COP1: variants seen among roughly 807,000 people sequenced by gnomAD.
COP1 encodes the protein E3 ubiquitin-protein ligase COP1.
In COP1, 24 loss-of-function variants were observed where a neutral mutation model predicts 101.3. The ratio of observed to expected loss-of-function variants is 0.24; its 90% CI spans 0.17 to 0.33. COP1 has a LOEUF of 0.33. COP1 is among the 10% of genes least tolerant of loss of function. COP1 has a pLI of 1.00. For missense variants in COP1, 663 were observed against 906.2 expected (o/e 0.73, Z 3.45); for synonymous variants, 347 against 341.9 (o/e 1.01, Z -0.17).
At position 176,207,025 on chromosome 1, in the gene COP1, G is replaced by T; in HGVS notation, c.-47C>A. 2 of 1,335,988 alleles carry T rather than the reference G, an allele frequency of 1.5e-6. No homozygotes were observed. The highest frequency in any genetic ancestry group is 3.6e-5 in the South Asian group (2 of 56,234). The allele number at this position is 1,335,988 out of a possible 1,614,324, so 82.8% of individuals were successfully genotyped here. ...CGGGCGCTCGGAGGAGAGGGACCGC[G>T]ACCTCGACCCTCCGCCGCCTCCCCT... On this transcript the variant is annotated 5_prime_UTR_variant, in exon 1 of 20. Coordinates refer to ENST00000367669, the MANE Select transcript of COP1 (RefSeq NM_022457.7).
At chr1:176,006,223 A>C (rs1391692269) in intron 15 of COP1, among the ~76,000 whole-genome samples, 1 of 151,596 alleles carries the variant, frequency 6.6e-6, no homozygotes, top group Non-Finnish European at 1.5e-5. Flanking sequence ...CCATCCTTTT[A>C]TTTTGAGCCT....
intron 8 of COP1, among the ~76,000 whole-genome samples, chr1:176,133,197 T>TACGTATATAC (rs1376676933): frequency 1.5e-5 from 2 of 130,432 alleles, no homozygotes; most frequent in Non-Finnish European, 3.6e-5. Context: ...CGTACGTATA[T>TACGTATATAC]GTACGTATGT....
At chr1:176,101,951 G>C (rs1489464266) in intron 9 of COP1, among the ~76,000 whole-genome samples, 1 of 152,166 alleles carries the variant, frequency 6.6e-6, no homozygotes, top group African/African-American at 2.4e-5. Context: ...CTTTAGAGGA[G>C]AAAATGATAG....
At chr1:175,995,797 C>G (rs1486504801) in intron 15 of COP1, among the ~76,000 whole-genome samples, 1 of 152,220 alleles carries the variant, frequency 6.6e-6, no homozygotes, top group Non-Finnish European at 1.5e-5. Context: ...GATGGATTCA[C>G]AGCCGAATTC....
chr1:176,107,797 T>C (rs1684573776), intron 9 of COP1, among the ~76,000 whole-genome samples: 1 of 152,124 alleles, frequency 6.6e-6, no homozygotes, highest in Non-Finnish European at 1.5e-5. Context: ...CCTCCAGATA[T>C]GACAAACTAA....
intron 16 of COP1, 62 bp from the exon 17 acceptor site, chr1:175,988,474 A>G: frequency 6.9e-7 from 1 of 1,456,882 alleles, no homozygotes; most frequent in Non-Finnish European, 9.3e-7. Context: ...ACTCATCACT[A>G]CTAATTAGAG....
chr1:176,099,399 A>G (rs1682975106), intron 9 of COP1, among the ~76,000 whole-genome samples: 1 of 152,054 alleles, frequency 6.6e-6, no homozygotes, highest in Non-Finnish European at 1.5e-5. Flanking sequence ...AATATTGCTG[A>G]TCCTTGTTTT....
At chr1:175,975,494 C>T (rs1056701324) in intron 18 of COP1, among the ~76,000 whole-genome samples, 1 of 152,138 alleles carries the variant, frequency 6.6e-6, no homozygotes, top group Non-Finnish European at 1.5e-5. Context: ...ACTGCAATCT[C>T]TGCCTCCTGG....
intron 5 of COP1, among the ~76,000 whole-genome samples, chr1:176,162,251 T>C (rs571151898): frequency 9.2e-5 from 14 of 152,332 alleles, no homozygotes; most frequent in African/African-American, 3.4e-4. Context: ...AAATACTCCC[T>C]TTATGTTTAA....
At chr1:176,072,489 C>T (rs1677170169) in intron 11 of COP1, among the ~76,000 whole-genome samples, 1 of 152,188 alleles carries the variant, frequency 6.6e-6, no homozygotes, top group Non-Finnish European at 1.5e-5. Flanking sequence ...TCCCTCTGCA[C>T]TCCCATTCAT....
Position 176,081,208 on chromosome 1 carries a change from A to C in COP1, c.1221T>G (p.Pro407=). 6.2e-7 allele frequency: 1 copy of C among 1,612,072 alleles called. No homozygotes were observed. The highest frequency in any genetic ancestry group is 2.2e-5 in the East Asian group (1 of 44,796). The change falls in exon 11 of 20, where the codon CCT becomes CCG. Residue 407 remains proline, a synonymous_variant. Coordinates refer to ENST00000367669, the MANE Select transcript of COP1 (RefSeq NM_022457.7). The part of the protein sequence containing the change: ...SKFTRYNSVR[P]LATLSYASDL... ...CACTAGCATATGACAATGTGGCTAAAGGTCGTACTGAATTATATCGAGTAA... is the reference window on the plus strand; with the variant it reads ...CACTAGCATATGACAATGTGGCTAACGGTCGTACTGAATTATATCGAGTAA...
intron 15 of COP1, among the ~76,000 whole-genome samples, chr1:176,015,793 T>C (rs1000649310): frequency 3.3e-5 from 5 of 152,116 alleles, no homozygotes; most frequent in Admixed American, 1.3e-4. Flanking sequence ...TTTAGTAATA[T>C]GGAGGTAATT....
At chr1:176,046,359 G>C in intron 11 of COP1, 35 bp from the exon 12 acceptor site, 1 of 1,587,764 alleles carries the variant, frequency 6.3e-7, no homozygotes, top group Non-Finnish European at 8.5e-7. Context: ...CAACATTTCA[G>C]AATTTGCTAT....
chr1:176,079,850 A>G (rs1392086982), intron 11 of COP1, among the ~76,000 whole-genome samples: 1 of 152,158 alleles, frequency 6.6e-6, no homozygotes, highest in Non-Finnish European at 1.5e-5. Context: ...AATTTTCATT[A>G]AACATTTCAA....
intron 1 of COP1, among the ~76,000 whole-genome samples, chr1:176,196,077 G>A (rs948641366): frequency 7.2e-5 from 11 of 152,138 alleles, no homozygotes; most frequent in Admixed American, 1.3e-4. Flanking sequence ...GAAATGAGAA[G>A]TATTATGAAC....
intron 18 of COP1, among the ~76,000 whole-genome samples, chr1:175,955,195 T>C (rs1650467312): frequency 6.6e-6 from 1 of 152,126 alleles, no homozygotes; most frequent in African/African-American, 2.4e-5. Context: ...TGAGCTGTGA[T>C]TGTGTCACTG....
rs112974214 is a variant in COP1 at position 176,148,645 on chromosome 1, A to G, written c.831+361T>C. ...GTTTTTGCCTACATATGTTTTTACC[A>G]TAAGAAAAAAACTATATCCTACCTA... On this transcript the variant is annotated intron_variant, in intron 6 of 19. Transcript: ENST00000367669. Among the ~76,000 whole-genome samples the G allele has an allele frequency of 2.6e-3, 399 of 152,238 alleles. 3 individuals are homozygous for G. The highest frequency in any genetic ancestry group is 9.2e-3 in the African/African-American group (381 of 41,580).
intron 17 of COP1, 62 bp from the exon 18 acceptor site, chr1:175,987,165 G>A (rs926410643): frequency 5.6e-5 from 48 of 856,374 alleles, no homozygotes; most frequent in Non-Finnish European, 8.3e-5. Context: ...GGACATCACA[G>A]TCTAATAGTA....
chr1:175,984,487 C>G (rs1275170174), intron 18 of COP1, among the ~76,000 whole-genome samples: 1 of 152,178 alleles, frequency 6.6e-6, no homozygotes, highest in Non-Finnish European at 1.5e-5. Context: ...GTGGGCCCCT[C>G]ATGGAGAACC....
Sources: allele counts gnomAD v4.1 joint callset (sites outside exome capture counted in the v4.1 genomes callset), GRCh38; gene constraint gnomAD v4.1.1; transcripts MANE v1.5; gene names NCBI Gene and HGNC (gene_info 2026-07-23, HGNC 2026-07-21).